Variants in ATXN7L1 observed in about 807,000 individuals in gnomAD.
The protein encoded by ATXN7L1 is ataxin 7 like 1.
Under a neutral mutation model 70.8 loss-of-function variants are expected in ATXN7L1, and 15 were observed. The observed-to-expected ratio is 0.21, with a 90% CI of 0.14 to 0.33. The LOEUF (loss-of-function observed/expected upper bound fraction) is 0.33, where lower values mean the gene tolerates loss of function less well. Ranked by LOEUF, ATXN7L1 falls within the 10% of genes least tolerant of loss-of-function variation. ATXN7L1 has a pLI of 1.00. For missense variants in ATXN7L1, 975 were observed against 1,097.1 expected, an observed-to-expected ratio of 0.89 and a Z score of 1.57; for synonymous variants, 440 against 445.1, an observed-to-expected ratio of 0.99 and a Z score of 0.14.
chr7:105,852,040 G>A (rs1214911027), intron 2 of ATXN7L1, among the ~76,000 whole-genome samples: 1 of 152,100 alleles, frequency 6.6e-6, no homozygotes, highest in African/African-American at 2.4e-5. Context: ...TCTATGAGGC[G>A]CTTCCCTGGC....
intron 3 of ATXN7L1, among the ~76,000 whole-genome samples, chr7:105,702,009 C>T (rs1007411368): frequency 2.0e-5 from 3 of 152,238 alleles, no homozygotes; most frequent in African/African-American, 4.8e-5. Flanking sequence ...AGGCTATGGG[C>T]CTCTCCAGCC....
chr7:105,736,097 C>T (rs143203897), intron 3 of ATXN7L1, among the ~76,000 whole-genome samples: 13 of 152,240 alleles, frequency 8.5e-5, no homozygotes, highest in African/African-American at 2.9e-4. Context: ...TGTCAGGGAA[C>T]ACCAACCACT....
chr7:105,758,995 A>G (rs1438354111), intron 3 of ATXN7L1, among the ~76,000 whole-genome samples: 1 of 152,090 alleles, frequency 6.6e-6, no homozygotes, highest in Non-Finnish European at 1.5e-5. Flanking sequence ...TAAGGCTTCA[A>G]ATCCTTTCTT....
At chr7:105,739,754 G>A (rs373547747) in intron 3 of ATXN7L1, among the ~76,000 whole-genome samples, 15 of 152,298 alleles carry the variant, frequency 9.8e-5, no homozygotes, top group African/African-American at 3.6e-4. Context: ...AGGAATCAGC[G>A]TTTTCAACAA....
chr7:105,760,470 G>A (rs746116227), intron 3 of ATXN7L1: 12 of 985,706 alleles, frequency 1.2e-5, no homozygotes, highest in Non-Finnish European at 1.3e-5. Flanking sequence ...ATTCCTAATG[G>A]TACTCTCCTA....
chr7:105,730,223 T>C (rs545453022), intron 3 of ATXN7L1, among the ~76,000 whole-genome samples: 2 of 152,352 alleles, frequency 1.3e-5, no homozygotes, highest in African/African-American at 2.4e-5. Flanking sequence ...TAAACCATGC[T>C]GAGAGTACAT....
chr7:105,805,183 A>G (rs1479217506), intron 2 of ATXN7L1, among the ~76,000 whole-genome samples: 2 of 152,236 alleles, frequency 1.3e-5, no homozygotes, highest in African/African-American at 2.4e-5. Context: ...TGACATGATT[A>G]AACAGGCAGA....
chr7:105,648,542 AG>A lies in ATXN7L1; in HGVS notation c.579-5422del, dbSNP rs1189674560. Among the ~76,000 whole-genome samples the A allele has an allele frequency of 8.5e-5, 13 of 152,338 alleles. No individual in the cohort carries two copies. In the East Asian group the frequency reaches 2.5e-3, roughly 29 times the overall value. ...ACAGAATCTGGAAAGCCAATCCCAG[AG>A]ATGATGCTTTTTGAGCAAAAACATT... On this transcript the variant is annotated intron_variant, in intron 4 of 11. Transcript: ENST00000419735.
chr7:105,749,970 C>G (rs1277619361), intron 3 of ATXN7L1, among the ~76,000 whole-genome samples: 3 of 151,900 alleles, frequency 2.0e-5, no homozygotes, highest in African/African-American at 4.8e-5. Context: ...GCACTATGCA[C>G]CTGCACGATA....
intron 2 of ATXN7L1, among the ~76,000 whole-genome samples, chr7:105,860,419 A>G (rs2116653520): frequency 6.6e-6 from 1 of 152,220 alleles, no homozygotes; most frequent in East Asian, 1.9e-4. Flanking sequence ...TGCTGGAGCT[A>G]ATGTCCTAAG....
chr7:105,696,683 C>T (rs1791753677), intron 3 of ATXN7L1, among the ~76,000 whole-genome samples: 1 of 152,182 alleles, frequency 6.6e-6, no homozygotes, highest in South Asian at 2.1e-4. Flanking sequence ...GCATGCTTAA[C>T]CAAAGCAGTT....
At chr7:105,713,668 G>A (rs544519) in intron 3 of ATXN7L1, among the ~76,000 whole-genome samples, 39,560 of 152,226 alleles carry the variant, frequency 0.26, 6,363 homozygotes, top group African/African-American at 0.45. Flanking sequence ...TTAGGACTCC[G>A]CAGGTTGGCT....
At chr7:105,662,019 TTTCTTTCTTTCCTTCCTTCC>T (rs1484773707) in intron 4 of ATXN7L1, among the ~76,000 whole-genome samples, 1,349 of 77,972 alleles carry the variant, frequency 0.017, 40 homozygotes, top group African/African-American at 0.047. Flanking sequence ...CTTTTCTTTC[TTTCTTTCTTTCCTTCCTTCC>T]TTCCTTCCTT....
chr7:105,864,207 GA>G, intron 2 of ATXN7L1, among the ~76,000 whole-genome samples: 1 of 152,002 alleles, frequency 6.6e-6, no homozygotes. Context: ...TGTAATCCCA[GA>G]ACTTTGAGAG....
intron 2 of ATXN7L1, among the ~76,000 whole-genome samples, chr7:105,796,362 AAAAT>A (rs202050140): frequency 1.8e-4 from 27 of 152,274 alleles, no homozygotes; most frequent in African/African-American, 5.8e-4. Context: ...CTCTGTCTCA[AAAAT>A]AAATAAATAA....
At position 105,690,444 on chromosome 7, in the gene ATXN7L1, C is replaced by T. The variant is rs180903191; in HGVS notation, c.356-25156G>A. Reference sequence around the variant, plus strand: ...CTTGGAAATTTCCGTTTTCACTGTCCGTTCTCATTCATGTGATGCTGGGGG... The same window carrying T: ...CTTGGAAATTTCCGTTTTCACTGTCTGTTCTCATTCATGTGATGCTGGGGG... On this transcript the variant is annotated intron_variant, in intron 3 of 11. Transcript: ENST00000419735. Among the ~76,000 whole-genome samples the T allele has an allele frequency of 2.7e-4, 41 of 152,240 alleles. 1 individual carries two copies. In the East Asian group the frequency reaches 6.0e-3, roughly 22 times the overall value.
At chr7:105,640,178 T>C (rs1172243209) in intron 5 of ATXN7L1, among the ~76,000 whole-genome samples, 4 of 152,194 alleles carry the variant, frequency 2.6e-5, no homozygotes, top group African/African-American at 4.8e-5. Context: ...ATTTACCTGA[T>C]TGAGGGGCAC....
At chr7:105,678,965 G>T in intron 3 of ATXN7L1, 1 of 667,722 alleles carries the variant, frequency 1.5e-6, no homozygotes, top group Non-Finnish European at 1.9e-6. Context: ...CTGCCAGCAT[G>T]ATCTGCCTGC....
intron 3 of ATXN7L1, among the ~76,000 whole-genome samples, chr7:105,715,444 C>T (rs1794424357): frequency 6.6e-6 from 1 of 152,236 alleles, no homozygotes; most frequent in Non-Finnish European, 1.5e-5. Flanking sequence ...AAATTCATGT[C>T]CTTTCCTAGC....
Sources: allele counts gnomAD v4.1 joint callset (sites outside exome capture counted in the v4.1 genomes callset), GRCh38; gene constraint gnomAD v4.1.1; transcripts MANE v1.5; gene names NCBI Gene and HGNC (gene_info 2026-07-23, HGNC 2026-07-21).